Variants in TP53BP2 observed in about 807,000 individuals in gnomAD.
The protein encoded by TP53BP2 is apoptosis-stimulating of p53 protein 2.
A neutral mutation model predicts 126.2 loss-of-function variants in TP53BP2; 62 were observed. The ratio of observed to expected loss-of-function variants is 0.49; its 90% CI spans 0.40 to 0.61. The LOEUF is 0.61. TP53BP2 is among the 20% of genes least tolerant of loss of function. The pLI is 0.00. For missense variants in TP53BP2, 1,215 were observed against 1,402.8 expected (o/e 0.87, Z 2.14); for synonymous variants, 485 against 502.9 (o/e 0.96, Z 0.48).
At chr1:223,785,368 T>C (rs1190479195) in intron 16 of TP53BP2, among the ~76,000 whole-genome samples, 3 of 152,194 alleles carry the variant, frequency 2.0e-5, no homozygotes, top group Non-Finnish European at 4.4e-5. Flanking sequence ...GCTCTGCCAA[T>C]CTAAAGAGAC....
At chr1:223,797,379 G>A (rs1341120012) in intron 12 of TP53BP2, among the ~76,000 whole-genome samples, 1 of 151,276 alleles carries the variant, frequency 6.6e-6, no homozygotes, top group East Asian at 1.9e-4. Context: ...CCATTACAAT[G>A]ACTTAAAATA....
At chr1:223,834,804 A>T (rs1019247901) in intron 1 of TP53BP2, 1 of 984,500 alleles carries the variant, frequency 1.0e-6, no homozygotes, top group Admixed American at 6.2e-5. Flanking sequence ...ACTTCCTCCA[A>T]TCCATCCATC....
At chr1:223,801,935 C>A in intron 9 of TP53BP2, 181 bp downstream of exon 9, 1 of 529,332 alleles carries the variant, frequency 1.9e-6, no homozygotes. Flanking sequence ...AAAAATCATC[C>A]TTGTACAACC....
chr1:223,784,075 T>C (rs749226459), intron 17 of TP53BP2, 40 bp downstream of exon 17: 19 of 1,588,108 alleles, frequency 1.2e-5, no homozygotes, highest in Non-Finnish European at 1.6e-5. Context: ...AGCCCCTCTC[T>C]GGCACATATG....
chr1:223,815,877 C>A (rs1222456356), intron 2 of TP53BP2, among the ~76,000 whole-genome samples: 1 of 152,172 alleles, frequency 6.6e-6, no homozygotes, highest in African/African-American at 2.4e-5. Context: ...AGGTTTGTAG[C>A]CTAGGAGCAA....
intron 5 of TP53BP2, among the ~76,000 whole-genome samples, chr1:223,806,557 T>G (rs113712721): frequency 1.5e-3 from 227 of 152,060 alleles, no homozygotes; most frequent in Admixed American, 4.3e-3. Flanking sequence ...GGCACGGGGG[T>G]TCACGCCTGT....
chr1:223,792,439 C>G lies in TP53BP2; in HGVS notation c.2946G>C (p.Lys982Asn). The G allele has an allele frequency of 6.2e-7, 1 of 1,613,688 alleles. No individual in the cohort carries two copies. The highest frequency in any genetic ancestry group is 8.5e-7 in the Non-Finnish European group (1 of 1,179,832). The change falls in exon 15 of 18, where the codon AAG becomes AAC. Residue 982 changes from lysine to asparagine, a missense_variant. By Grantham distance (94) the Lys-to-Asn change is moderately conservative (BLOSUM62 0). Coordinates refer to ENST00000343537, the MANE Select transcript of TP53BP2 (RefSeq NM_001031685.3). Reference protein sequence around the residue: ...AVCAGHTEIVKFLVQFGVNVN... With the variant: ...AVCAGHTEIVNFLVQFGVNVN... ...CATTTACACCAAACTGTACCAGGAA[C>G]TTAACGATTTCTGTGTGGCCTGCAC...
chr1:223,819,010 C>T (rs1171102700), intron 2 of TP53BP2, among the ~76,000 whole-genome samples: 1 of 151,374 alleles, frequency 6.6e-6, no homozygotes, highest in African/African-American at 2.4e-5. Context: ...ATGGAGAAAG[C>T]CCGTCTCTAC....
chr1:223,821,999 C>T (rs1006217945), intron 1 of TP53BP2, among the ~76,000 whole-genome samples: 1 of 151,862 alleles, frequency 6.6e-6, no homozygotes. Context: ...TCAAGTGATT[C>T]TCCTGTCTCA....
At chr1:223,825,094 G>A (rs1663446432) in intron 1 of TP53BP2, among the ~76,000 whole-genome samples, 1 of 150,248 alleles carries the variant, frequency 6.7e-6, no homozygotes, top group South Asian at 2.1e-4. Context: ...CCTTAGCACA[G>A]TCACTAACAT....
At chr1:223,795,775 A>C (rs1662295894) in intron 13 of TP53BP2, 40 bp downstream of exon 13, 1 of 1,412,282 alleles carries the variant, frequency 7.1e-7, no homozygotes, top group East Asian at 2.4e-5. Context: ...TAACAAAGTA[A>C]AGGACTCCGG....
intron 10 of TP53BP2, 142 bp downstream of exon 10, chr1:223,800,558 T>C (rs1417755950): frequency 5.1e-6 from 3 of 593,762 alleles, no homozygotes; most frequent in Non-Finnish European, 8.5e-6. Flanking sequence ...CACTCCAGCC[T>C]GGATGACAAG....
At position 223,845,792 on chromosome 1, in the gene TP53BP2, G is replaced by C. The variant is rs1342453387; in HGVS notation, c.-112C>G. On this transcript the variant is annotated 5_prime_UTR_variant, in exon 1 of 18. Transcript: ENST00000343537. ...CCGCCCGGACCTGTTGCGAGGCGGC[G>C]GCGGCGGCAGCGGCGGCGCGCGGGT... 3.6e-6 allele frequency: 4 copies of C among 1,106,252 alleles called. No individual in the cohort carries two copies. The highest frequency in any genetic ancestry group is 3.5e-5 in the East Asian group (1 of 28,378). The allele number at this position is 1,106,252 out of a possible 1,614,324, so 68.5% of individuals were successfully genotyped here.
intron 16 of TP53BP2, among the ~76,000 whole-genome samples, chr1:223,787,879 AAAATAAATAAAT>A (rs995735652): frequency 6.6e-6 from 1 of 151,860 alleles, no homozygotes; most frequent in East Asian, 1.9e-4. Flanking sequence ...CCCTACCTCA[AAAATAAATAAAT>A]AAATAAATAA....
At chr1:223,813,816 A>C (rs1198708517) in intron 3 of TP53BP2, among the ~76,000 whole-genome samples, 1 of 151,272 alleles carries the variant, frequency 6.6e-6, no homozygotes, top group African/African-American at 2.4e-5. Context: ...CTCCATCATC[A>C]CTCCTACCTC....
At chr1:223,793,259 G>T (rs1448200536) in intron 14 of TP53BP2, 44 bp downstream of exon 14, 1 of 1,412,732 alleles carries the variant, frequency 7.1e-7, no homozygotes, top group Middle Eastern at 1.9e-4. Flanking sequence ...ATGACAGAGC[G>T]AGACTCTGAC....
chr1:223,844,711 G>A (rs796417542), intron 1 of TP53BP2, among the ~76,000 whole-genome samples: 24 of 152,166 alleles, frequency 1.6e-4, no homozygotes, highest in African/African-American at 5.1e-4. Context: ...GGGGGCCAGG[G>A]AACAGCATAT....
chr1:223,809,986 C>A (rs958000501), intron 4 of TP53BP2, among the ~76,000 whole-genome samples: 1 of 152,016 alleles, frequency 6.6e-6, no homozygotes, highest in Non-Finnish European at 1.5e-5. Flanking sequence ...ACTACTACAC[C>A]CGGCTAATTC....
intron 1 of TP53BP2, among the ~76,000 whole-genome samples, chr1:223,831,817 C>CATAGTAATT (rs1663744708): frequency 6.7e-6 from 1 of 149,160 alleles, no homozygotes; most frequent in South Asian, 2.1e-4. Context: ...AGGCACACTG[C>CATAGTAATT]ATAGTAATTC....
Sources: gnomAD v4.1 joint callset for allele counts (sites outside exome capture counted in the v4.1 genomes callset) on GRCh38, gnomAD v4.1.1 for gene constraint, MANE v1.5 for transcripts, NCBI Gene and HGNC (gene_info 2026-07-23, HGNC 2026-07-21) for gene names.